The following ST3GAL1 variants were observed in gnomAD, a reference collection of about 807,000 sequenced individuals.
ST3GAL1 encodes CMP-N-acetylneuraminate-beta-galactosamide-alpha-2,3-sialyltransferase 1.
Under a neutral mutation model 34.1 loss-of-function variants are expected in ST3GAL1, and 16 were observed. That is an observed-to-expected ratio of 0.47 (90% CI 0.32 to 0.71). The LOEUF is 0.71. ST3GAL1 is among the 30% of genes least tolerant of loss of function. The pLI is 0.04. For synonymous variants in ST3GAL1, 191 were observed against 184.7 expected (o/e 1.03, Z -0.28); for missense variants, 353 against 447.4 (o/e 0.79, Z 1.90).
intron 3 of ST3GAL1, chr8:133,488,404 T>C (rs961142066): frequency 6.6e-6 from 1 of 152,170 alleles, no homozygotes; most frequent in Non-Finnish European, 1.5e-5. Flanking sequence ...CCTCATCCAA[T>C]AGGTTGAAGG....
At chr8:133,541,120 T>TATATATATATAG (rs71299078) in intron 2 of ST3GAL1, among the ~76,000 whole-genome samples, 2 of 48,628 alleles carry the variant, frequency 4.1e-5, no homozygotes, top group African/African-American at 9.9e-5. Flanking sequence ...TATATATATA[T>TATATATATATAG]AGAGAGAGAG....
rs1819533560 is a variant in ST3GAL1, at chr8:133,570,447, T to G, written c.-582+1246A>C. 6.6e-6 allele frequency: 1 copy of G among 150,452 alleles called. No individual in the cohort carries two copies. Among genetic ancestry groups the G allele is most frequent in the Non-Finnish European group, 1.5e-5 (1 of 67,756 alleles). 9.3% of individuals were successfully genotyped at this position (150,452 alleles called of 1,614,324 possible). A position where few individuals can be genotyped will look rare whatever the true frequency, so the allele number is the denominator to read the frequency against. On this transcript the variant is annotated intron_variant, in intron 1 of 9. Transcript: ENST00000522652. This position sits in a 1 kb window ranked among gnomAD's most constrained non-coding sequence, Gnocchi z 5.6. ...CCCCACCCCCTTGCGCGCTTCTGGGTGCGCACGTGTCCCCTCGCCCAACAC... is the reference window on the plus strand; with the variant it reads ...CCCCACCCCCTTGCGCGCTTCTGGGGGCGCACGTGTCCCCTCGCCCAACAC...
chr8:133,495,345 C>T (rs1053356577), intron 3 of ST3GAL1, among the ~76,000 whole-genome samples: 4 of 152,154 alleles, frequency 2.6e-5, no homozygotes, highest in South Asian at 2.1e-4. Flanking sequence ...TGTTCCCAGA[C>T]GAGTGACCCT....
intron 1 of ST3GAL1, chr8:133,567,020 A>T (rs1819423281): frequency 1.3e-5 from 2 of 152,234 alleles, no homozygotes; most frequent in Non-Finnish European, 2.9e-5. Context: ...TATTATGATT[A>T]TTATTATTTT....
chr8:133,504,696 G>A (rs1817282862), intron 2 of ST3GAL1, among the ~76,000 whole-genome samples: 1 of 152,136 alleles, frequency 6.6e-6, no homozygotes, highest in Non-Finnish European at 1.5e-5. Context: ...GACCTTCTAT[G>A]GTCGAGAAGA....
intron 2 of ST3GAL1, among the ~76,000 whole-genome samples, chr8:133,544,248 T>C (rs1360138317): frequency 2.6e-5 from 4 of 152,204 alleles, no homozygotes; most frequent in Non-Finnish European, 4.4e-5. Flanking sequence ...GCCCTTGTTA[T>C]TCCCACTTGC....
chr8:133,460,280 G>A (rs781421953), intron 9 of ST3GAL1, among the ~76,000 whole-genome samples: 11 of 152,178 alleles, frequency 7.2e-5, no homozygotes, highest in African/African-American at 2.4e-4. Context: ...GAAGGAGGGC[G>A]TGGAATGGAA....
At chr8:133,479,947 G>A (rs1042315009) in intron 3 of ST3GAL1, among the ~76,000 whole-genome samples, 2 of 152,352 alleles carry the variant, frequency 1.3e-5, no homozygotes, top group East Asian at 1.9e-4. Context: ...TCTAGCAAGC[G>A]TGGGGCAGCC....
Position 133,476,317 on chromosome 8 carries a change from TAA to T in ST3GAL1, c.-92_-91del, listed in dbSNP as rs2094548735. ...AAGTAGCCTATTCTTCTGCAATCCT[TAA>T]AGAGCTGATAATGTCTCTCGATCAA... On this transcript the variant is annotated 5_prime_UTR_variant, in exon 4 of 10. Coordinates refer to ENST00000522652, the MANE Select transcript of ST3GAL1 (RefSeq NM_173344.3). The T allele has an allele frequency of 6.8e-6, 2 of 296,066 alleles. No homozygotes were observed. Among genetic ancestry groups the T allele is most frequent in the Admixed American group, 9.4e-5 (2 of 21,348 alleles). 18.3% of individuals were successfully genotyped at this position (296,066 alleles called of 1,614,324 possible).
At chr8:133,478,631 C>G (rs1163820690) in intron 3 of ST3GAL1, among the ~76,000 whole-genome samples, 1 of 152,240 alleles carries the variant, frequency 6.6e-6, no homozygotes, top group Non-Finnish European at 1.5e-5. Context: ...GCTGTCCCCA[C>G]TGTCCAGAAA....
chr8:133,473,904 T>G (rs1270138321), intron 5 of ST3GAL1, among the ~76,000 whole-genome samples: 2 of 152,118 alleles, frequency 1.3e-5, no homozygotes, highest in Admixed American at 6.5e-5. Flanking sequence ...ATCCTTACCA[T>G]GCCTGGCTCG....
intron 2 of ST3GAL1, among the ~76,000 whole-genome samples, chr8:133,535,041 G>C (rs927801391): frequency 6.6e-6 from 1 of 152,340 alleles, no homozygotes; most frequent in East Asian, 1.9e-4. Context: ...GAGGGCTGAC[G>C]AGGGAGAAGC....
intron 1 of ST3GAL1, among the ~76,000 whole-genome samples, chr8:133,563,947 C>A (rs924516369): frequency 6.6e-6 from 1 of 152,192 alleles, no homozygotes; most frequent in Non-Finnish European, 1.5e-5. Flanking sequence ...CCCATCCTCA[C>A]GAGCAGCCCG....
intron 3 of ST3GAL1, among the ~76,000 whole-genome samples, chr8:133,479,895 T>C (rs67694747): frequency 0.13 from 19,234 of 152,206 alleles, 1,411 homozygotes; most frequent in African/African-American, 0.18. Flanking sequence ...ACCCCTTCCC[T>C]GGCTGCAGGG....
chr8:133,495,233 C>T (rs1816909059), intron 3 of ST3GAL1, among the ~76,000 whole-genome samples: 1 of 151,990 alleles, frequency 6.6e-6, no homozygotes. Flanking sequence ...TATTCTTTTC[C>T]ACACACATGA....
intron 3 of ST3GAL1, among the ~76,000 whole-genome samples, chr8:133,476,898 C>T (rs1236709514): frequency 6.6e-6 from 1 of 152,236 alleles, no homozygotes; most frequent in African/African-American, 2.4e-5. Flanking sequence ...GCTCGTGATG[C>T]ATGTAGGTAC....
chr8:133,543,174 G>A (rs1323288443), intron 2 of ST3GAL1, among the ~76,000 whole-genome samples: 6 of 152,342 alleles, frequency 3.9e-5, no homozygotes, highest in Admixed American at 1.3e-4. Flanking sequence ...CTCTGGGCTA[G>A]TCCTGCCAAC....
chr8:133,502,919 T>C (rs1448626750), intron 2 of ST3GAL1, among the ~76,000 whole-genome samples: 1 of 152,256 alleles, frequency 6.6e-6, no homozygotes. Flanking sequence ...GGCTTGGCCA[T>C]GTCACTTGCT....
At position 133,457,578 on chromosome 8, in the gene ST3GAL1, GAA is replaced by G. The variant is rs749852082; in HGVS notation, c.*2184_*2185del. Reference sequence around the variant, plus strand: ...ATTTACCAGCCTTTCTCAGAAAAAAGAAAAGTCTTTAAAGTTTTGGAGGATTT... The same window carrying G: ...ATTTACCAGCCTTTCTCAGAAAAAAGAAGTCTTTAAAGTTTTGGAGGATTT... On this transcript the variant is annotated 3_prime_UTR_variant, in exon 10 of 10. Transcript: ENST00000522652. The G allele has an allele frequency of 6.6e-6, 1 of 152,194 alleles. No individual in the cohort carries two copies. Among genetic ancestry groups the G allele is most frequent in the Non-Finnish European group, 1.5e-5 (1 of 68,022 alleles). The allele number at this position is 152,194 out of a possible 1,614,324, so 9.4% of individuals were successfully genotyped here.
Sources: allele counts gnomAD v4.1 joint callset (sites outside exome capture counted in the v4.1 genomes callset), GRCh38; gene constraint gnomAD v4.1.1; non-coding constraint Gnocchi (gnomAD v3.1); transcripts MANE v1.5; gene names NCBI Gene and HGNC (gene_info 2026-07-23, HGNC 2026-07-21).